LDHA: variants seen among roughly 807,000 people sequenced by gnomAD.
LDHA encodes L-lactate dehydrogenase A chain.
A neutral mutation model predicts 36.3 loss-of-function variants in LDHA; 10 were observed. The observed-to-expected ratio is 0.28, with a 90% CI of 0.17 to 0.47. The LOEUF is 0.47. LDHA is among the 20% of genes least tolerant of loss of function. The probability of loss-of-function intolerance (pLI) is 0.99; values close to 1 mark genes in which losing one functional copy is unlikely to be tolerated. For missense variants in LDHA, 267 were observed against 405.8 expected (o/e 0.66, Z 2.94); for synonymous variants, 110 against 136.7 (o/e 0.80, Z 1.36).
chr11:18,402,343 C>T (rs1565037855), intron 4 of LDHA, among the ~76,000 whole-genome samples: 1 of 152,060 alleles, frequency 6.6e-6, no homozygotes, highest in Non-Finnish European at 1.5e-5. Flanking sequence ...CTCTGTCGCC[C>T]AAGCTGGAGG....
In LDHA at chr11:18,407,311, C is replaced by G. The variant is rs1257817708; in HGVS notation, c.*30C>G. Reference sequence around the variant, plus strand: ...TTCTGATGTCATATCATTTCACTGTCTAGGCTACAACAGGATTCTAGGTGG... The same window carrying G: ...TTCTGATGTCATATCATTTCACTGTGTAGGCTACAACAGGATTCTAGGTGG... On this transcript the variant is annotated 3_prime_UTR_variant, in exon 8 of 8. Transcript: ENST00000422447. The G allele has an allele frequency of 6.2e-7, 1 of 1,612,202 alleles. No homozygotes were observed. Among genetic ancestry groups the G allele is most frequent in the Non-Finnish European group, 8.5e-7 (1 of 1,179,568 alleles).
intron 6 of LDHA, among the ~76,000 whole-genome samples, 196 bp downstream of exon 6, chr11:18,404,007 T>A (rs1866587484): frequency 1.3e-5 from 2 of 152,212 alleles, no homozygotes; most frequent in Non-Finnish European, 1.5e-5. Flanking sequence ...CTTGGCTCAC[T>A]GCAACCTCTG....
intron 3 of LDHA, chr11:18,400,590 A>G (rs745396682): frequency 1.3e-5 from 7 of 546,618 alleles, no homozygotes; most frequent in African/African-American, 7.6e-5. Context: ...TATGTAAGAA[A>G]TTAATAGGAG....
intron 1 of LDHA, 172 bp downstream of exon 1, chr11:18,394,808 A>C (rs1488597324): frequency 5.4e-6 from 2 of 372,046 alleles, no homozygotes; most frequent in South Asian, 1.9e-5. Context: ...CACACAACGC[A>C]TGTGTTCGGA....
At position 18,407,015 on chromosome 11, in the gene LDHA, T is replaced by C. The variant is rs74660044; in HGVS notation, c.835-102T>C. ...AGCGAGACTCTGCCTCAAAAAAAAA[T>C]TAAAAAAAAAAAGCTTTATAATTAT... On this transcript the variant is annotated intron_variant, in intron 7 of 7. Transcript: ENST00000422447. 1.3e-5 allele frequency: 11 copies of C among 866,788 alleles called. No homozygotes were observed. In the South Asian group the frequency reaches 2.1e-4, roughly 16 times the overall value. The allele number at this position is 866,788 out of a possible 1,614,324, so 53.7% of individuals were successfully genotyped here.
chr11:18,401,955 C>CTCTCTTTTTTT lies in LDHA; in HGVS notation c.419-884_419-883insCTCTTTTTTTT, dbSNP rs59534512. On this transcript the variant is annotated intron_variant, in intron 4 of 7. Transcript: ENST00000422447. ...TAAGTTTGTGAATAATTGTTATTCT[C>CTCTCTTTTTTT]TTTTTTTTTTTTTTTTTTTTTGAGA... 4.0e-4 allele frequency among the ~76,000 whole-genome samples: 21 copies of CTCTCTTTTTTT among 52,262 alleles called. 1 individual carries two copies. The highest frequency in any genetic ancestry group is 6.1e-4 in the Admixed American group (2 of 3,262). The allele number at this position is 52,262 out of a possible 152,430, so 34.3% of individuals were successfully genotyped here. A position where few individuals can be genotyped will look rare whatever the true frequency, so the allele number is the denominator to read the frequency against.
At chr11:18,399,935 T>G (rs1866423087) in intron 3 of LDHA, 1 of 195,668 alleles carries the variant, frequency 5.1e-6, no homozygotes, top group African/African-American at 2.3e-5. Context: ...TCCTAGCTCT[T>G]TAAAGATTTT....
chr11:18,400,830 T>C lies in LDHA; in HGVS notation c.245-7T>C. On this transcript the variant is annotated splice_polypyrimidine_tract_variant and splice_region_variant and intron_variant, in intron 3 of 7. Transcript: ENST00000422447. ...CTTAATCTGGTCATTATTCCCCTTT[T>C]CTCTAGACTATAATGTAACTGCAAA... The C allele has an allele frequency of 6.2e-7, 1 of 1,612,120 alleles. No individual in the cohort carries two copies. The highest frequency in any genetic ancestry group is 8.5e-7 in the Non-Finnish European group (1 of 1,178,384).
intron 6 of LDHA, among the ~76,000 whole-genome samples, chr11:18,404,312 G>A (rs1409206274): frequency 6.6e-6 from 1 of 152,114 alleles, no homozygotes; most frequent in Non-Finnish European, 1.5e-5. Context: ...GAGAGGCTGA[G>A]GCAGGAGGAT....
intron 2 of LDHA, among the ~76,000 whole-genome samples, chr11:18,397,981 A>G (rs1490447134): frequency 6.6e-6 from 1 of 152,218 alleles, no homozygotes; most frequent in East Asian, 1.9e-4. Context: ...GAAAGGCCAC[A>G]TAATACACCA....
chr11:18,407,469 C>A lies in LDHA; in HGVS notation c.*188C>A. On this transcript the variant is annotated 3_prime_UTR_variant, in exon 8 of 8. Coordinates refer to ENST00000422447, the MANE Select transcript of LDHA (RefSeq NM_005566.4). ...TAAAATCCACAGCTATATCCTGATG[C>A]TGGATGGTATTAATCTTGTGTAGTC... 2 of 1,178,574 alleles carry A rather than the reference C, an allele frequency of 1.7e-6. No individual in the cohort carries two copies. The highest frequency in any genetic ancestry group is 2.5e-6 in the Non-Finnish European group (2 of 812,114). 73.0% of individuals were successfully genotyped at this position (1,178,574 alleles called of 1,614,324 possible).
rs1244051791 is a variant in LDHA, at chr11:18,399,558, A to C, written c.244+10A>C. The C allele has an allele frequency of 6.5e-7, 1 of 1,535,888 alleles. No individual in the cohort carries two copies. Among genetic ancestry groups the C allele is most frequent in the Non-Finnish European group, 9.0e-7 (1 of 1,108,788 alleles). Reference sequence around the variant, plus strand: ...ATTGTCTCTGGCAAAGGTTGATTTCAACAAGTTTATATTATAATCCATGCT... The same window carrying C: ...ATTGTCTCTGGCAAAGGTTGATTTCCACAAGTTTATATTATAATCCATGCT... On this transcript the variant is annotated intron_variant, in intron 3 of 7. Transcript: ENST00000422447.
At chr11:18,405,678 GAAAT>G (rs1866658128) in intron 7 of LDHA, 106 bp downstream of exon 7, 3 of 1,273,210 alleles carry the variant, frequency 2.4e-6, no homozygotes, top group African/African-American at 2.9e-5. Flanking sequence ...TGACTTAAGT[GAAAT>G]AAATTAATGT....
At chr11:18,399,780 A>C (rs1461925940) in intron 3 of LDHA, 1 of 464,114 alleles carries the variant, frequency 2.2e-6, no homozygotes, top group Non-Finnish European at 4.0e-6. Context: ...CTTTTTGTAG[A>C]GATGGGGACC....
At chr11:18,402,016 GT>G (rs1866527840) in intron 4 of LDHA, among the ~76,000 whole-genome samples, 1 of 132,034 alleles carries the variant, frequency 7.6e-6, no homozygotes, top group Non-Finnish European at 1.6e-5. Flanking sequence ...GAGTGCAGTG[GT>G]TCGATCTTGG....
At chr11:18,399,354 T>C (rs770164478) in intron 2 of LDHA, 77 bp from the exon 3 acceptor site, 610 of 1,013,768 alleles carry the variant, frequency 6.0e-4, no homozygotes, top group Middle Eastern at 9.1e-4. Flanking sequence ...ATGCCAGAAA[T>C]ATAGAAATTT....
At position 18,406,731 on chromosome 11, in the gene LDHA, A is replaced by T. The variant is rs545879201; in HGVS notation, c.835-386A>T. ...AACTCCATCTCAAAAGAAAAAAAAA[A>T]GCGGCTGGGCTCTGTGGCTCATGCT... On this transcript the variant is annotated intron_variant, in intron 7 of 7. Transcript: ENST00000422447. 3.5e-3 allele frequency: 582 copies of T among 164,970 alleles called. 3 individuals carry two copies. The highest frequency in any genetic ancestry group is 5.3e-3 in the Non-Finnish European group (416 of 78,150). The allele number at this position is 164,970 out of a possible 1,614,324, so 10.2% of individuals were successfully genotyped here.
At chr11:18,399,171 T>C in intron 2 of LDHA, 1 of 457,348 alleles carries the variant, frequency 2.2e-6, no homozygotes, top group Non-Finnish European at 4.0e-6. Context: ...GTGTTCTGCT[T>C]CCACATCTGC....
intron 3 of LDHA, 171 bp from the exon 4 acceptor site, chr11:18,400,666 A>G (rs950283894): frequency 2.5e-5 from 17 of 685,944 alleles, no homozygotes; most frequent in Middle Eastern, 2.4e-4. Context: ...TTACAACTTG[A>G]CTAAAACTAC....
Sources: allele counts gnomAD v4.1 joint callset (sites outside exome capture counted in the v4.1 genomes callset), GRCh38; gene constraint gnomAD v4.1.1; transcripts MANE v1.5; gene names NCBI Gene and HGNC (gene_info 2026-07-23, HGNC 2026-07-21).